The following GIMAP5 variants were observed in gnomAD, a reference collection of about 807,000 sequenced individuals.
GIMAP5 encodes GTPase IMAP family member 5.
GIMAP5 carries 8 observed loss-of-function variants against 9.9 expected under a neutral mutation model. The ratio of observed to expected loss-of-function variants is 0.81; its 90% CI spans 0.47 to 1.45. The LOEUF (loss-of-function observed/expected upper bound fraction) is 1.45, where lower values mean the gene tolerates loss of function less well. Among genes scored for constraint, GIMAP5 ranks in the 40% most tolerant of loss-of-function variants. The pLI is 0.00. For missense variants in GIMAP5, 353 were observed against 367.4 expected, an observed-to-expected ratio of 0.96 and a Z score of 0.32; for synonymous variants, 174 against 151.4, an observed-to-expected ratio of 1.15 and a Z score of -1.09.
Position 150,740,862 on chromosome 7 carries a change from T to C in GIMAP5, c.-6-17T>C. On this transcript the variant is annotated splice_polypyrimidine_tract_variant and intron_variant, in intron 1 of 2. Coordinates refer to ENST00000358647, the MANE Select transcript of GIMAP5 (RefSeq NM_018384.5). ...AACGTACATCTGCTTTTTATCCTTT[T>C]CCTGTTTTTATTCCAGGAGAGAATG... is the stretch of plus-strand genomic sequence containing the variant. 6.2e-7 allele frequency: 1 copy of C among 1,614,018 alleles called. No individual in the cohort carries two copies. Among genetic ancestry groups the C allele is most frequent in the Non-Finnish European group, 8.5e-7 (1 of 1,179,894 alleles).
chr7:150,742,974 A>C lies in GIMAP5; in HGVS notation c.835A>C (p.Met279Leu). Residue 279 changes from methionine to leucine, a missense_variant, in exon 3 of 3, where the codon ATG becomes CTG. Physicochemically the swap from Met to Leu is conservative, Grantham distance 15. Coordinates refer to ENST00000358647, the MANE Select transcript of GIMAP5 (RefSeq NM_018384.5). ...YKALLRVKHL[M>L]LLHYEIFVFL... ...GGCGCTCCTCAGAGTCAAACACTTG[A>C]TGCTTTTGCATTATGAGATTTTTGT... The C allele has an allele frequency of 6.2e-7, 1 of 1,614,172 alleles. No homozygotes were observed. Among genetic ancestry groups the C allele is most frequent in the South Asian group, 1.1e-5 (1 of 91,086 alleles).
At chr7:150,739,285 A>G (rs144992842) in intron 1 of GIMAP5, 1 of 152,204 alleles carries the variant, frequency 6.6e-6, no homozygotes. Context: ...ATCAAGGACA[A>G]TACACAGCAA....
At chr7:150,737,984 C>T (rs1379651331) in intron 1 of GIMAP5, 1 of 499,554 alleles carries the variant, frequency 2.0e-6, no homozygotes, top group Non-Finnish European at 3.7e-6. Flanking sequence ...AAGTCGATCT[C>T]CATGAAACTC....
At chr7:150,737,740 CTT>C (rs774813778) in intron 1 of GIMAP5, 32 bp downstream of exon 1, 11 of 1,500,076 alleles carry the variant, frequency 7.3e-6, no homozygotes, top group Non-Finnish European at 9.9e-6. Flanking sequence ...CTCACAGAGA[CTT>C]TGGGAATTGA....
intron 2 of GIMAP5, among the ~76,000 whole-genome samples, chr7:150,741,326 G>T (rs191449696): frequency 8.2e-4 from 125 of 152,216 alleles, no homozygotes; most frequent in Admixed American, 1.5e-3. Context: ...CCAACCCAGA[G>T]TGGGAGAAAT....
At chr7:150,738,065 A>C (rs1437384862) in intron 1 of GIMAP5, 2 of 270,830 alleles carry the variant, frequency 7.4e-6, no homozygotes, top group African/African-American at 4.4e-5. Flanking sequence ...CCAGAGGGTG[A>C]TAGGCTTTCC....
rs755408960 is a variant in GIMAP5, at chr7:150,742,348, C to G, written c.209C>G (p.Thr70Arg). Residue 70 changes from threonine (T) to arginine (R), a missense_variant, in exon 3 of 3, where the codon ACA becomes AGA. Coordinates refer to ENST00000358647, the MANE Select transcript of GIMAP5 (RefSeq NM_018384.5). ...QSVTRTCQVK[T>R]GTWNGRKVLV... is the part of the protein sequence containing the mutation. ...GTGACCAGGACGTGCCAGGTGAAAACAGGAACATGGAACGGGAGGAAAGTC... is the reference window on the plus strand; with the variant it reads ...GTGACCAGGACGTGCCAGGTGAAAAGAGGAACATGGAACGGGAGGAAAGTC... 5 of 1,614,192 alleles carry G rather than the reference C, an allele frequency of 3.1e-6. No individual in the cohort carries two copies. The Admixed American group carries it at 8.3e-5, about 27-fold the overall frequency.
At chr7:150,739,008 TTGAC>T (rs1398288618) in intron 1 of GIMAP5, 1 of 152,234 alleles carries the variant, frequency 6.6e-6, no homozygotes, top group Non-Finnish European at 1.5e-5. Flanking sequence ...ATAACATAGT[TTGAC>T]TGGCTTTTGT....
intron 1 of GIMAP5, 153 bp downstream of exon 1, chr7:150,737,861 C>A (rs560930995): frequency 1.6e-5 from 10 of 644,026 alleles, no homozygotes; most frequent in Non-Finnish European, 2.4e-5. Flanking sequence ...ATGAGTGTTG[C>A]GGGCATCAGC....
In GIMAP5 at chr7:150,742,597, A is replaced by G; in HGVS notation, c.458A>G (p.Lys153Arg). 6.2e-7 allele frequency: 1 copy of G among 1,614,172 alleles called. No individual in the cohort carries two copies. Among genetic ancestry groups the G allele is most frequent in the Non-Finnish European group, 8.5e-7 (1 of 1,180,024 alleles). Reference sequence around the variant, plus strand: ...CATGTGGTCATCCTCTTCACCCACAAAGAGGACTTAGGGGGCCAGGCCCTG... The same window carrying G: ...CATGTGGTCATCCTCTTCACCCACAGAGAGGACTTAGGGGGCCAGGCCCTG... ...MRHVVILFTHKEDLGGQALDD... is the reference protein window; with the variant it reads ...MRHVVILFTHREDLGGQALDD... The change falls in exon 3 of 3, where the codon AAA becomes AGA. Residue 153 changes from lysine to arginine, a missense_variant. Coordinates refer to ENST00000358647, the MANE Select transcript of GIMAP5 (RefSeq NM_018384.5).
chr7:150,742,624 AT>A lies in GIMAP5; in HGVS notation c.486del (p.Asp162GlufsTer4). 6.2e-7 allele frequency: 1 copy of A among 1,614,186 alleles called. No homozygotes were observed. Among genetic ancestry groups the A allele is most frequent in the South Asian group, 1.1e-5 (1 of 91,078 alleles). On this transcript the variant is annotated frameshift_variant, in exon 3 of 3. Transcript: ENST00000358647. LOFTEE classifies it low-confidence loss of function (END_TRUNC). ...GAGGACTTAGGGGGCCAGGCCCTGGATGACTATGTAGCAAACACGGACAACT... is the reference window on the plus strand; with the variant it reads ...GAGGACTTAGGGGGCCAGGCCCTGGAGACTATGTAGCAAACACGGACAACT... ...HKEDLGGQALDDYVANTDNCS... is the reference protein window; with the variant it reads ...HKEDLGGQALXDYVANTDNCS...
Position 150,742,502 on chromosome 7 carries a change from G to A in GIMAP5, c.363G>A (p.Gly121=), listed in dbSNP as rs576606315. The A allele has an allele frequency of 1.9e-6, 3 of 1,614,198 alleles. No individual in the cohort carries two copies. Among genetic ancestry groups the A allele is most frequent in the Non-Finnish European group, 2.5e-6 (3 of 1,180,038 alleles). The change falls in exon 3 of 3, where the codon GGG becomes GGA. Residue 121 remains glycine, a synonymous_variant. Transcript: ENST00000358647. ...TCCTGCTTCTGGTGATCCAGCTGGG[G>A]CGTTTCACTGCTCAGGACACAGTGG... is the stretch of plus-strand genomic sequence containing the variant. The part of the protein sequence containing the change: ...PHVLLLVIQL[G]RFTAQDTVAI...
chr7:150,739,342 T>C (rs912319610), intron 1 of GIMAP5: 2 of 152,356 alleles, frequency 1.3e-5, no homozygotes, highest in South Asian at 4.1e-4. Flanking sequence ...ATGTGACCTT[T>C]GGCAGGTCAT....
chr7:150,742,161 T>C lies in GIMAP5; in HGVS notation c.44-22T>C, dbSNP rs776063822. The stretch of plus-strand genomic sequence containing the variant: ...CTTAAGAATCATTAACTTAGTAAGA[T>C]ACAAAACTTCGTTTTCTACAGGTAG... On this transcript the variant is annotated intron_variant, in intron 2 of 2. Transcript: ENST00000358647. The C allele has an allele frequency of 4.4e-6, 7 of 1,604,874 alleles. No individual in the cohort carries two copies. In the South Asian group the frequency reaches 5.6e-5, roughly 13 times the overall value.
Position 150,740,876 on chromosome 7 carries a change from C to T in GIMAP5, c.-6-3C>T, listed in dbSNP as rs1382854146. The T allele has an allele frequency of 1.9e-6, 3 of 1,613,856 alleles. No homozygotes were observed. Among genetic ancestry groups the T allele is most frequent in the Admixed American group, 3.3e-5 (2 of 59,998 alleles). ...TTTTATCCTTTTCCTGTTTTTATTC[C>T]AGGAGAGAATGGGAGGATTCCAGAG... On this transcript the variant is annotated splice_region_variant and splice_polypyrimidine_tract_variant and intron_variant, in intron 1 of 2. Coordinates refer to ENST00000358647, the MANE Select transcript of GIMAP5 (RefSeq NM_018384.5).
Position 150,743,145 on chromosome 7 carries a change from C to A in GIMAP5, c.*82C>A. The A allele has an allele frequency of 3.3e-6, 5 of 1,504,046 alleles. No homozygotes were observed. In the South Asian group the frequency reaches 6.6e-5, roughly 20 times the overall value. The allele number at this position is 1,504,046 out of a possible 1,614,324, so 93.2% of individuals were successfully genotyped here. ...AATCACCAATTCAGACTCAGATCCT[C>A]GTGGTCTATGGAGCATGCTGCTTGC... is the stretch of plus-strand genomic sequence containing the variant. On this transcript the variant is annotated 3_prime_UTR_variant, in exon 3 of 3. Coordinates refer to ENST00000358647, the MANE Select transcript of GIMAP5 (RefSeq NM_018384.5).
rs992515926 is a variant in GIMAP5, at chr7:150,737,462, G to A, written c.-253G>A. On this transcript the variant is annotated 5_prime_UTR_variant, in exon 1 of 3. In the 5' UTR this introduces an upstream ATG that the reference lacks. Transcript: ENST00000358647. ...CCAGGGTGTCCTAGTCCGCAGAGGT[G>A]TGGGGGACACACTCCATAATCTCTA... is the stretch of plus-strand genomic sequence containing the variant. 51 of 1,468,890 alleles carry A rather than the reference G, an allele frequency of 3.5e-5. No homozygotes were observed. Among genetic ancestry groups the A allele is most frequent in the Non-Finnish European group, 4.7e-5 (51 of 1,086,668 alleles). The allele number at this position is 1,468,890 out of a possible 1,614,324, so 91.0% of individuals were successfully genotyped here.
Position 150,742,662 on chromosome 7 carries a change from G to C in GIMAP5, c.523G>C (p.Asp175His), listed in dbSNP as rs1400336568. The part of the protein sequence containing the change: ...VANTDNCSLK[D>H]LVRECERRYC... ...AAACACGGACAACTGCAGCCTGAAA[G>C]ACCTGGTGCGGGAGTGTGAGAGAAG... is the stretch of plus-strand genomic sequence containing the variant. Residue 175 changes from aspartate (D) to histidine (H), a missense_variant, in exon 3 of 3, where the codon GAC (aspartate) becomes CAC (histidine). Physicochemically the swap from Asp to His is moderately conservative, Grantham distance 81. Coordinates refer to ENST00000358647, the MANE Select transcript of GIMAP5 (RefSeq NM_018384.5). 1.2e-6 allele frequency: 2 copies of C among 1,614,238 alleles called. No homozygotes were observed. Among genetic ancestry groups the C allele is most frequent in the Admixed American group, 3.3e-5 (2 of 60,034 alleles).
intron 2 of GIMAP5, among the ~76,000 whole-genome samples, chr7:150,741,695 T>C (rs567552413): frequency 5.3e-5 from 8 of 152,342 alleles, no homozygotes; most frequent in Admixed American, 5.2e-4. Context: ...AGTGGGTCAC[T>C]ATAGATTTGC....
Sources: allele counts gnomAD v4.1 joint callset (sites outside exome capture counted in the v4.1 genomes callset), GRCh38; gene constraint gnomAD v4.1.1; transcripts MANE v1.5; gene names NCBI Gene and HGNC (gene_info 2026-07-23, HGNC 2026-07-21).